The following TMEM132B variants were observed in gnomAD, a reference collection of about 807,000 sequenced individuals.
TMEM132B encodes the protein transmembrane protein 132B.
Under a neutral mutation model 90.8 loss-of-function variants are expected in TMEM132B, and 18 were observed. The observed-to-expected ratio is 0.20, with a 90% CI of 0.14 to 0.29. The LOEUF (loss-of-function observed/expected upper bound fraction) is 0.29, where lower values mean the gene tolerates loss of function less well. Ranked by LOEUF, TMEM132B falls within the 10% of genes least tolerant of loss-of-function variation. The probability of loss-of-function intolerance (pLI) is 1.00; values close to 1 mark genes in which losing one functional copy is unlikely to be tolerated. For missense variants in TMEM132B, 1,096 were observed against 1,326.8 expected, an observed-to-expected ratio of 0.83 and a Z score of 2.70; for synonymous variants, 504 against 523.3, an observed-to-expected ratio of 0.96 and a Z score of 0.50.
intron 4 of TMEM132B, among the ~76,000 whole-genome samples, chr12:125,523,920 CA>C (rs539216722): frequency 1.3e-5 from 2 of 152,308 alleles, no homozygotes; most frequent in African/African-American, 4.8e-5. Context: ...TCCAGAGCAC[CA>C]AGGAACATGA....
At chr12:125,376,725 G>A (rs1042692221) in intron 2 of TMEM132B, among the ~76,000 whole-genome samples, 5 of 152,220 alleles carry the variant, frequency 3.3e-5, no homozygotes, top group African/African-American at 1.2e-4. Context: ...TAAAAGGGCT[G>A]AGGCCGCCCT....
At chr12:125,621,436 A>G (rs566197152) in intron 5 of TMEM132B, among the ~76,000 whole-genome samples, 2 of 152,258 alleles carry the variant, frequency 1.3e-5, no homozygotes, top group African/African-American at 4.8e-5. Context: ...TGGTGGGAGT[A>G]TGGGAGCGGG....
chr12:125,649,687 C>G (rs561835369), intron 6 of TMEM132B, among the ~76,000 whole-genome samples: 33 of 152,198 alleles, frequency 2.2e-4, no homozygotes, highest in Non-Finnish European at 3.7e-4. Context: ...TCCCCTTCCC[C>G]CCTTCTCCCC....
At chr12:125,582,375 G>A (rs7315488) in intron 4 of TMEM132B, among the ~76,000 whole-genome samples, 2,854 of 151,894 alleles carry the variant, frequency 0.019, 32 homozygotes, top group Non-Finnish European at 0.03. Context: ...GAGAGTGCGG[G>A]GCCGACTATA....
intron 1 of TMEM132B, among the ~76,000 whole-genome samples, chr12:125,196,069 C>T (rs1204859681): frequency 1.3e-5 from 2 of 152,154 alleles, no homozygotes; most frequent in Non-Finnish European, 2.9e-5. Flanking sequence ...AGCAGAAGCC[C>T]TGAGGGGCTA....
intron 5 of TMEM132B, among the ~76,000 whole-genome samples, chr12:125,643,353 T>C (rs768384010): frequency 2.0e-5 from 3 of 152,342 alleles, no homozygotes; most frequent in Middle Eastern, 3.4e-3. Flanking sequence ...TAAATACATT[T>C]TCCTGATTGT....
chr12:125,620,694 G>C (rs147968100), intron 5 of TMEM132B, among the ~76,000 whole-genome samples: 1,711 of 152,334 alleles, frequency 0.011, 33 homozygotes, highest in African/African-American at 0.039. Context: ...GCCTGGGAAG[G>C]CCTCAGGAAA....
At chr12:125,327,698 C>T (rs1303277869) in intron 1 of TMEM132B, among the ~76,000 whole-genome samples, 1 of 152,168 alleles carries the variant, frequency 6.6e-6, no homozygotes, top group East Asian at 1.9e-4. Flanking sequence ...AGAGAGGGGG[C>T]TTAAGTGTCC....
At chr12:125,239,605 A>G (rs887569521) in intron 1 of TMEM132B, among the ~76,000 whole-genome samples, 8 of 152,162 alleles carry the variant, frequency 5.3e-5, no homozygotes, top group Admixed American at 3.3e-4. Context: ...TTGCCTTTCC[A>G]TAGGACCAAC....
intron 4 of TMEM132B, among the ~76,000 whole-genome samples, chr12:125,559,779 A>T (rs184556713): frequency 9.3e-4 from 141 of 152,308 alleles, no homozygotes; most frequent in African/African-American, 3.1e-3. Context: ...CAGCTCTGCC[A>T]TGTGCAGGAA....
intron 2 of TMEM132B, among the ~76,000 whole-genome samples, chr12:125,389,124 A>T (rs746819464): frequency 1.7e-4 from 26 of 152,206 alleles, no homozygotes; most frequent in Non-Finnish European, 1.9e-4. Context: ...AGCAAGACAG[A>T]TAAAAGTCCT....
chr12:125,583,497 G>A (rs1260025257), intron 4 of TMEM132B, among the ~76,000 whole-genome samples: 1 of 152,120 alleles, frequency 6.6e-6, no homozygotes, highest in African/African-American at 2.4e-5. Context: ...AATGATCCTT[G>A]AGCCGAGATT....
At chr12:125,337,242 A>G (rs1876995021) in intron 1 of TMEM132B, among the ~76,000 whole-genome samples, 1 of 152,172 alleles carries the variant, frequency 6.6e-6, no homozygotes, top group Non-Finnish European at 1.5e-5. Context: ...TCGTAAGCCT[A>G]TACCATGTTG....
At chr12:125,461,794 G>T (rs932624375) in intron 3 of TMEM132B, among the ~76,000 whole-genome samples, 1 of 152,194 alleles carries the variant, frequency 6.6e-6, no homozygotes, top group African/African-American at 2.4e-5. Flanking sequence ...TCCTCCCGGC[G>T]CTGCCAGGCC....
chr12:125,233,189 A>T (rs1873863194), intron 1 of TMEM132B, among the ~76,000 whole-genome samples: 1 of 152,244 alleles, frequency 6.6e-6, no homozygotes, highest in Non-Finnish European at 1.5e-5. Flanking sequence ...CTCAACAGTC[A>T]TGTAGAAGTA....
intron 5 of TMEM132B, chr12:125,584,319 A>T (rs1885127686): frequency 9.8e-6 from 3 of 306,412 alleles, no homozygotes; most frequent in African/African-American, 4.3e-5. Context: ...TCCTAACTTT[A>T]GCAATCCAAA....
At chr12:125,324,488 G>C (rs755250594) in intron 1 of TMEM132B, among the ~76,000 whole-genome samples, 8 of 152,152 alleles carry the variant, frequency 5.3e-5, no homozygotes, top group Non-Finnish European at 1.0e-4. Flanking sequence ...TTACTCCCTA[G>C]AGCAGGGTTC....
intron 3 of TMEM132B, among the ~76,000 whole-genome samples, chr12:125,417,610 G>T (rs540412504): frequency 6.6e-6 from 1 of 152,320 alleles, no homozygotes; most frequent in African/African-American, 2.4e-5. Context: ...GTCCCTGCAG[G>T]TAGAGAAGTT....
At chr12:125,205,787 G>A (rs1185037470) in intron 1 of TMEM132B, among the ~76,000 whole-genome samples, 3 of 152,228 alleles carry the variant, frequency 2.0e-5, no homozygotes, top group East Asian at 3.8e-4. Context: ...AACCACGTCC[G>A]TCGCATTTTA....
Sources: allele counts gnomAD v4.1 joint callset (sites outside exome capture counted in the v4.1 genomes callset), GRCh38; gene constraint gnomAD v4.1.1; transcripts MANE v1.5; gene names NCBI Gene and HGNC (gene_info 2026-07-23, HGNC 2026-07-21).